BRIP1: variants seen among roughly 807,000 people sequenced by gnomAD.
BRIP1 encodes the protein BRCA1 interacting DNA helicase 1.
BRIP1 carries 88 observed loss-of-function variants against 119.7 expected under a neutral mutation model. That is an observed-to-expected ratio of 0.74 (90% CI 0.62 to 0.88). The LOEUF is 0.88. BRIP1 is among the 40% of genes least tolerant of loss of function. The probability of loss-of-function intolerance (pLI) is 0.00; values close to 1 mark genes in which losing one functional copy is unlikely to be tolerated. For missense variants in BRIP1, 1,259 were observed against 1,455.4 expected, an observed-to-expected ratio of 0.87 and a Z score of 2.20; for synonymous variants, 443 against 496.5, an observed-to-expected ratio of 0.89 and a Z score of 1.43.
intron 10 of BRIP1, among the ~76,000 whole-genome samples, chr17:61,788,156 G>A (rs1484862975): frequency 1.3e-5 from 2 of 151,984 alleles, no homozygotes; most frequent in Non-Finnish European, 2.9e-5. Flanking sequence ...ACAATTATAA[G>A]ATAAATATAT....
At chr17:61,747,797 G>A (rs953769766) in intron 14 of BRIP1, among the ~76,000 whole-genome samples, 5 of 151,892 alleles carry the variant, frequency 3.3e-5, no homozygotes, top group Non-Finnish European at 5.9e-5. Flanking sequence ...GTGTAGTAAT[G>A]TGATCATAGT....
At chr17:61,847,261 A>C (rs372074848) in intron 5 of BRIP1, 41 bp from the exon 6 acceptor site, 13 of 1,609,458 alleles carry the variant, frequency 8.1e-6, no homozygotes, top group Non-Finnish European at 7.7e-6. Flanking sequence ...GGTGAACTAG[A>C]AGTTTAACTG....
At position 61,794,173 on chromosome 17, in the gene BRIP1, C is replaced by T. The variant is rs565755491; in HGVS notation, c.1341-444G>A. 6.6e-6 allele frequency among the ~76,000 whole-genome samples: 1 copy of T among 152,226 alleles called. No individual in the cohort carries two copies. Among genetic ancestry groups the T allele is most frequent in the East Asian group, 1.9e-4 (1 of 5,184 alleles). On this transcript the variant is annotated intron_variant, in intron 9 of 19. Transcript: ENST00000259008. The surrounding 1 kb of genome is among the most constrained non-coding windows in gnomAD (Gnocchi z 4.3). ...TCATTGATATATATACACATTCATA[C>T]ATTAAGTGTTTGAATGCCTATTTTA... is the stretch of plus-strand genomic sequence containing the variant.
intron 9 of BRIP1, among the ~76,000 whole-genome samples, chr17:61,797,610 A>C (rs1294616143): frequency 6.6e-6 from 1 of 152,042 alleles, no homozygotes; most frequent in Non-Finnish European, 1.5e-5. Flanking sequence ...AAACCACAAA[A>C]ATCTGCATGG....
rs1292732125 is a variant in BRIP1 at position 61,695,717 on chromosome 17, A to T, written c.2493-2205T>A. ...TCCTTAGTTAAGTATATTTCTAAGT[A>T]TTTTCTTCTTTCTGATGTTATTTTA... On this transcript the variant is annotated intron_variant, in intron 17 of 19. Transcript: ENST00000259008. This position sits in a 1 kb window ranked among gnomAD's most constrained non-coding sequence, Gnocchi z 4.3. Among the ~76,000 whole-genome samples, 1 of 151,854 alleles carries T rather than the reference A, an allele frequency of 6.6e-6. No homozygotes were observed. The highest frequency in any genetic ancestry group is 1.9e-4 in the East Asian group (1 of 5,182).
chr17:61,800,390 G>T (rs1329571910), intron 8 of BRIP1, among the ~76,000 whole-genome samples: 1 of 152,144 alleles, frequency 6.6e-6, no homozygotes, highest in Admixed American at 6.6e-5. Flanking sequence ...ACAAAGAGTG[G>T]ACAGGGCATT....
Position 61,726,275 on chromosome 17 carries a change from T to C in BRIP1, c.2380-10212A>G, listed in dbSNP as rs1454194651. 6.6e-6 allele frequency among the ~76,000 whole-genome samples: 1 copy of C among 152,180 alleles called. No individual in the cohort carries two copies. Among genetic ancestry groups the C allele is most frequent in the Admixed American group, 6.5e-5 (1 of 15,274 alleles). ...TGCCAACCTTACCTTAGAGAATTGGTTGAAGAAATAAATGACAATATGCAT... is the reference window on the plus strand; with the variant it reads ...TGCCAACCTTACCTTAGAGAATTGGCTGAAGAAATAAATGACAATATGCAT... On this transcript the variant is annotated intron_variant, in intron 16 of 19. Transcript: ENST00000259008. The surrounding 1 kb of genome is among the most constrained non-coding windows in gnomAD (Gnocchi z 6.2).
intron 16 of BRIP1, among the ~76,000 whole-genome samples, chr17:61,727,931 C>T (rs1291369781): frequency 6.6e-6 from 1 of 151,526 alleles, no homozygotes; most frequent in Non-Finnish European, 1.5e-5. Context: ...TCAGTTCAAG[C>T]AATTCTTGTG....
At chr17:61,836,068 T>G (rs2145656660) in intron 6 of BRIP1, among the ~76,000 whole-genome samples, 1 of 151,836 alleles carries the variant, frequency 6.6e-6, no homozygotes, top group South Asian at 2.1e-4. Context: ...TCTGTATTGG[T>G]TTTTATAATG....
At chr17:61,731,212 T>C (rs2076839304) in intron 16 of BRIP1, among the ~76,000 whole-genome samples, 2 of 152,328 alleles carry the variant, frequency 1.3e-5, no homozygotes, top group Admixed American at 6.5e-5. Flanking sequence ...GGAACCTAAG[T>C]ATTTCCAAAA....
rs1488150253 is a variant in BRIP1 at position 61,774,820 on chromosome 17, A to G, written c.2097+1581T>C. ...CACTAAAAAGTTATTTCAATGTTAT[A>G]GTCTCTAGTCACCCAATTATAAATG... On this transcript the variant is annotated intron_variant, in intron 14 of 19. Coordinates refer to ENST00000259008, the MANE Select transcript of BRIP1 (RefSeq NM_032043.3). This position sits in a 1 kb window ranked among gnomAD's most constrained non-coding sequence, Gnocchi z 5.8. 6.6e-6 allele frequency among the ~76,000 whole-genome samples: 1 copy of G among 152,216 alleles called. No individual in the cohort carries two copies. The highest frequency in any genetic ancestry group is 1.5e-5 in the Non-Finnish European group (1 of 68,024).
chr17:61,731,991 T>TC (rs2076853624), intron 16 of BRIP1, among the ~76,000 whole-genome samples: 1 of 138,128 alleles, frequency 7.2e-6, no homozygotes, highest in East Asian at 2.0e-4. Context: ...CTTTTTTTTT[T>TC]TTTTTTTTTT....
At chr17:61,820,416 A>G (rs188430382) in intron 6 of BRIP1, among the ~76,000 whole-genome samples, 1 of 152,294 alleles carries the variant, frequency 6.6e-6, no homozygotes, top group Non-Finnish European at 1.5e-5. Context: ...TGAGATGAAA[A>G]TCCATAGTGC....
At chr17:61,749,266 T>C (rs1480971600) in intron 14 of BRIP1, among the ~76,000 whole-genome samples, 1 of 151,726 alleles carries the variant, frequency 6.6e-6, no homozygotes, top group Non-Finnish European at 1.5e-5. Context: ...AAACCTACGA[T>C]TGGGACCACA....
Position 61,762,992 on chromosome 17 carries a change from G to A in BRIP1, c.2097+13409C>T, listed in dbSNP as rs2077300001. 6.6e-6 allele frequency among the ~76,000 whole-genome samples: 1 copy of A among 152,058 alleles called. No homozygotes were observed. The highest frequency in any genetic ancestry group is 2.1e-4 in the South Asian group (1 of 4,828). On this transcript the variant is annotated intron_variant, in intron 14 of 19. Transcript: ENST00000259008. The surrounding 1 kb of genome is among the most constrained non-coding windows in gnomAD (Gnocchi z 4.3). ...CATTATGCTAAGTGAAATAAGCCAG[G>A]CACAGAAAGATAAATGTCTCATGCC...
intron 6 of BRIP1, among the ~76,000 whole-genome samples, chr17:61,838,748 G>C (rs2078613600): frequency 6.6e-6 from 1 of 151,290 alleles, no homozygotes; most frequent in African/African-American, 2.4e-5. Context: ...AGGCATTTTG[G>C]TCTGAAGAAA....
rs759307986 is a variant in BRIP1, at chr17:61,704,867, T to G, written c.2492+11084A>C. On this transcript the variant is annotated intron_variant, in intron 17 of 19. Transcript: ENST00000259008. The surrounding 1 kb of genome is among the most constrained non-coding windows in gnomAD (Gnocchi z 5.7). ...TAACTGTGGCTTCTCTTTTTTTTCT[T>G]TGTTAATTTTGCTAGAGGTTTATCA... Among the ~76,000 whole-genome samples the G allele has an allele frequency of 2.6e-5, 4 of 152,178 alleles. No homozygotes were observed. Among genetic ancestry groups the G allele is most frequent in the African/African-American group, 9.6e-5 (4 of 41,460 alleles).
rs1173383844 is a variant in BRIP1, at chr17:61,739,583, C to A, written c.2379+3430G>T. Reference sequence around the variant, plus strand: ...TACTGCTTATTACTGTTAATGTTACCTAAAGACTGCTACGGACTAGAAAAA... The same window carrying A: ...TACTGCTTATTACTGTTAATGTTACATAAAGACTGCTACGGACTAGAAAAA... On this transcript the variant is annotated intron_variant, in intron 16 of 19. Transcript: ENST00000259008. This position sits in a 1 kb window ranked among gnomAD's most constrained non-coding sequence, Gnocchi z 6.0. 6.6e-6 allele frequency among the ~76,000 whole-genome samples: 1 copy of A among 152,150 alleles called. No homozygotes were observed. Among genetic ancestry groups the A allele is most frequent in the African/African-American group, 2.4e-5 (1 of 41,444 alleles).
At chr17:61,773,603 C>T (rs1276876767) in intron 14 of BRIP1, among the ~76,000 whole-genome samples, 1 of 152,008 alleles carries the variant, frequency 6.6e-6, no homozygotes, top group Non-Finnish European at 1.5e-5. Context: ...GCAAAAGAAA[C>T]TACCATCAGA....
Sources: allele counts gnomAD v4.1 joint callset (sites outside exome capture counted in the v4.1 genomes callset), GRCh38; gene constraint gnomAD v4.1.1; non-coding constraint Gnocchi (gnomAD v3.1); transcripts MANE v1.5; gene names NCBI Gene and HGNC (gene_info 2026-07-23, HGNC 2026-07-21).